FH: variants seen among roughly 807,000 people sequenced by gnomAD.
FH encodes the protein fumarate hydratase, mitochondrial.
Under a neutral mutation model 49.4 loss-of-function variants are expected in FH, and 22 were observed. The observed-to-expected ratio is 0.45, with a 90% CI of 0.32 to 0.64. The LOEUF (loss-of-function observed/expected upper bound fraction) is 0.64, where lower values mean the gene tolerates loss of function less well. FH is among the 30% of genes least tolerant of loss of function. FH has a pLI of 0.05. For synonymous variants in FH, 208 were observed against 223.0 expected (o/e 0.93, Z 0.60); for missense variants, 526 against 641.5 (o/e 0.82, Z 1.95).
rs1409298843 is a variant in FH, at chr1:241,505,983, T to C, written c.904+20A>G. 1.2e-6 allele frequency: 2 copies of C among 1,611,410 alleles called. No individual in the cohort carries two copies. The highest frequency in any genetic ancestry group is 1.7e-6 in the Non-Finnish European group (2 of 1,177,696). On this transcript the variant is annotated intron_variant, in intron 6 of 9. Coordinates refer to ENST00000366560, the MANE Select transcript of FH (RefSeq NM_000143.4). ...TATAATGAGAAATGAAAATGAGAAA[T>C]AATTCACGTGATCACTAACCTGTAA...
At chr1:241,517,076 T>C in intron 2 of FH, 106 bp downstream of exon 2, 14 of 1,415,860 alleles carry the variant, frequency 9.9e-6, no homozygotes, top group Non-Finnish European at 1.3e-5. Flanking sequence ...CCATCTTTTC[T>C]AATAACTTTA....
intron 2 of FH, among the ~76,000 whole-genome samples, chr1:241,516,385 C>T (rs774210591): frequency 6.6e-6 from 1 of 152,126 alleles, no homozygotes; most frequent in Non-Finnish European, 1.5e-5. Flanking sequence ...GAAGCTGTGA[C>T]CCTCAGCATA....
chr1:241,502,623 A>T, intron 7 of FH, 53 bp from the exon 8 acceptor site: 1 of 1,586,554 alleles, frequency 6.3e-7, no homozygotes, highest in Non-Finnish European at 8.7e-7. Context: ...GCAAATAATC[A>T]GGAGAATAAA....
chr1:241,499,126 A>T (rs1659703548), intron 9 of FH, among the ~76,000 whole-genome samples: 1 of 152,154 alleles, frequency 6.6e-6, no homozygotes, highest in Non-Finnish European at 1.5e-5. Flanking sequence ...TAAGCATTTC[A>T]GCTGTCAAGT....
chr1:241,519,188 C>T (rs564108869), intron 1 of FH: 2 of 208,842 alleles, frequency 9.6e-6, no homozygotes, highest in Admixed American at 1.3e-4. Context: ...GCGGGAGCTG[C>T]CCCTCTCCCA....
intron 1 of FH, among the ~76,000 whole-genome samples, chr1:241,518,014 C>T (rs776380113): frequency 2.6e-5 from 4 of 152,082 alleles, no homozygotes; most frequent in Non-Finnish European, 5.9e-5. Context: ...AAACCCTATC[C>T]CCATAGGGAC....
rs1660143240 is a variant in FH, at chr1:241,513,592, T to C, written c.378+11A>G. The C allele has an allele frequency of 6.3e-7, 1 of 1,598,422 alleles. No individual in the cohort carries two copies. The highest frequency in any genetic ancestry group is 8.6e-7 in the Non-Finnish European group (1 of 1,165,760). On this transcript the variant is annotated intron_variant, in intron 3 of 9. Coordinates refer to ENST00000366560, the MANE Select transcript of FH (RefSeq NM_000143.4). ...TGAGGTTATTAAGCAAACACACTTA[T>C]CACCTCCTACCTCATCTGCTGCCTT...
At chr1:241,518,874 C>T (rs1283449713) in intron 1 of FH, among the ~76,000 whole-genome samples, 2 of 152,216 alleles carry the variant, frequency 1.3e-5, no homozygotes, top group Non-Finnish European at 1.5e-5. Context: ...TCTTAGCTGG[C>T]TTTCTGAATA....
intron 5 of FH, among the ~76,000 whole-genome samples, chr1:241,506,833 A>T (rs1659943223): frequency 6.6e-6 from 1 of 152,206 alleles, no homozygotes; most frequent in African/African-American, 2.4e-5. Context: ...AAGCAACCAC[A>T]GAATTTATGT....
intron 8 of FH, 74 bp from the exon 9 acceptor site, chr1:241,500,664 T>C: frequency 6.4e-7 from 1 of 1,566,198 alleles, no homozygotes; most frequent in Non-Finnish European, 8.7e-7. Flanking sequence ...ACATGTTTTT[T>C]GTCCAATAAC....
chr1:241,510,195 GT>G (rs1368768726), intron 4 of FH, among the ~76,000 whole-genome samples: 1 of 152,148 alleles, frequency 6.6e-6, no homozygotes, highest in Non-Finnish European at 1.5e-5. Flanking sequence ...CCAGATCTCA[GT>G]TTCTAAATAT....
chr1:241,519,447 C>A, intron 1 of FH, 144 bp downstream of exon 1: 2 of 1,040,272 alleles, frequency 1.9e-6, no homozygotes, highest in Non-Finnish European at 1.3e-6. Context: ...AGGCCCGCCA[C>A]GCCGGCACGG....
At chr1:241,511,864 T>TAATGAACA (rs2147921645) in intron 4 of FH, 103 bp downstream of exon 4, 1 of 1,128,654 alleles carries the variant, frequency 8.9e-7, no homozygotes, top group East Asian at 2.3e-5. Context: ...ATCCATTAAA[T>TAATGAACA]AATGAACACT....
At chr1:241,514,566 G>A (rs1660169111) in intron 2 of FH, among the ~76,000 whole-genome samples, 1 of 152,062 alleles carries the variant, frequency 6.6e-6, no homozygotes, top group African/African-American at 2.4e-5. Context: ...AAGAGTAGAA[G>A]GGAGAAAGGG....
intron 5 of FH, among the ~76,000 whole-genome samples, chr1:241,507,906 C>G (rs896447160): frequency 1.3e-5 from 2 of 152,100 alleles, no homozygotes; most frequent in African/African-American, 4.8e-5. Flanking sequence ...TTTACTAAGA[C>G]AAAAGTCATT....
rs2147917489 is a variant in FH, at chr1:241,505,998, C to T, written c.904+5G>A. 1 of 1,613,742 alleles carries T rather than the reference C, an allele frequency of 6.2e-7. No homozygotes were observed. The highest frequency in any genetic ancestry group is 2.2e-5 in the East Asian group (1 of 44,854). On this transcript the variant is annotated splice_donor_5th_base_variant and intron_variant, in intron 6 of 9. Transcript: ENST00000366560. ...AAATGAGAAATAATTCACGTGATCA[C>T]TAACCTGTAAGTGCAGCCACTTTTG...
chr1:241,519,409 G>T, intron 1 of FH, 182 bp downstream of exon 1: 1 of 687,612 alleles, frequency 1.5e-6, no homozygotes, highest in Non-Finnish European at 2.2e-6. Context: ...CTCCATCCCT[G>T]CGCCGGAAGA....
intron 3 of FH, 81 bp from the exon 4 acceptor site, chr1:241,512,224 C>A (rs1660106795): frequency 8.1e-7 from 1 of 1,237,902 alleles, no homozygotes; most frequent in Non-Finnish European, 1.2e-6. Flanking sequence ...ATACAGTTGA[C>A]CCACATATCT....
intron 4 of FH, among the ~76,000 whole-genome samples, chr1:241,510,153 T>C (rs1660047360): frequency 6.6e-6 from 1 of 152,200 alleles, no homozygotes; most frequent in African/African-American, 2.4e-5. Context: ...TCTTCCTTAC[T>C]ACTTAAAAAT....
Sources: allele counts gnomAD v4.1 joint callset (sites outside exome capture counted in the v4.1 genomes callset), GRCh38; gene constraint gnomAD v4.1.1; transcripts MANE v1.5; gene names NCBI Gene and HGNC (gene_info 2026-07-23, HGNC 2026-07-21).